GNAO1: variants seen among roughly 807,000 people sequenced by gnomAD.
GNAO1 encodes G protein subunit alpha o1, also known as guanine nucleotide-binding protein G(o) subunit alpha.
For synonymous variants in GNAO1, 164 were observed against 180.7 expected, an observed-to-expected ratio of 0.91 and a Z score of 0.74; for missense variants, 166 against 478.7, an observed-to-expected ratio of 0.35 and a Z score of 6.10.
At chr16:56,332,314 C>T (rs1255570905) in intron 4 of GNAO1, among the ~76,000 whole-genome samples, 4 of 152,194 alleles carry the variant, frequency 2.6e-5, no homozygotes, top group Non-Finnish European at 5.9e-5. Context: ...CACCTGGCCC[C>T]TCCACGTGTG....
intron 2 of GNAO1, among the ~76,000 whole-genome samples, chr16:56,222,148 G>A (rs1171114185): frequency 1.3e-5 from 2 of 152,098 alleles, no homozygotes; most frequent in Non-Finnish European, 1.5e-5. Context: ...ACAGCTAAGA[G>A]TGGCATGCCC....
At chr16:56,345,075 G>A in intron 6 of GNAO1, 1 of 985,526 alleles carries the variant, frequency 1.0e-6, no homozygotes, top group Non-Finnish European at 1.2e-6. Context: ...CAACTCTAAA[G>A]GGAGAGTCCT....
intron 3 of GNAO1, chr16:56,301,088 G>A (rs1274786290): frequency 3.3e-5 from 5 of 152,426 alleles, no homozygotes; most frequent in African/African-American, 1.2e-4. Flanking sequence ...AGACCTCTGA[G>A]AGCTCTGAAG....
At chr16:56,287,079 C>A (rs756234618) in intron 3 of GNAO1, among the ~76,000 whole-genome samples, 58 of 152,352 alleles carry the variant, frequency 3.8e-4, no homozygotes, top group Non-Finnish European at 6.5e-4. Context: ...GGCAGCCTCT[C>A]CCCTGAGGTC....
chr16:56,274,564 G>A (rs1283283362), intron 2 of GNAO1, among the ~76,000 whole-genome samples: 3 of 152,198 alleles, frequency 2.0e-5, no homozygotes, highest in Non-Finnish European at 4.4e-5. Flanking sequence ...CATCCATACA[G>A]TGGAATACTA....
chr16:56,353,794 G>C (rs1050923607), intron 7 of GNAO1, among the ~76,000 whole-genome samples: 3 of 152,196 alleles, frequency 2.0e-5, no homozygotes, highest in African/African-American at 7.2e-5. Context: ...CAAGGATGAG[G>C]CTTTGCACTG....
chr16:56,232,884 A>T (rs2036603892), intron 2 of GNAO1, among the ~76,000 whole-genome samples: 1 of 152,154 alleles, frequency 6.6e-6, no homozygotes, highest in Non-Finnish European at 1.5e-5. Context: ...TATCCTTGTG[A>T]TTCTATTTTT....
At position 56,316,266 on chromosome 16, in the gene GNAO1, G is replaced by A. The variant is rs557845747; in HGVS notation, c.304-12365G>A. 3.9e-5 allele frequency among the ~76,000 whole-genome samples: 6 copies of A among 152,266 alleles called. No homozygotes were observed. In the South Asian group the frequency reaches 1.2e-3, roughly 32 times the overall value. ...TGTCCCAGGCCCCAACACATGGAAG[G>A]CCTGGCATTTCCTCTGCCAGGCTCT... On this transcript the variant is annotated intron_variant, in intron 3 of 8. Transcript: ENST00000262493.
Position 56,354,878 on chromosome 16 carries a change from A to G in GNAO1, c.890A>G (p.Tyr297Cys). The G allele has an allele frequency of 6.2e-7, 1 of 1,611,862 alleles. No homozygotes were observed. The highest frequency in any genetic ancestry group is 8.5e-7 in the Non-Finnish European group (1 of 1,178,272). Reference protein sequence around the residue: ...CFPEYTGPNTYEDAAAYIQAQ... With the variant: ...CFPEYTGPNTCEDAAAYIQAQ... The stretch of plus-strand genomic sequence containing the variant: ...TGTCTTGTTACAGGCCCCAATACCT[A>G]TGAAGACGCAGCCGCCTACATCCAA... Residue 297 changes from tyrosine to cysteine, a missense_variant, in exon 8 of 9, where the codon TAT (tyrosine) becomes TGT (cysteine). By Grantham distance (194) the Tyr-to-Cys change is radical (BLOSUM62 -2). Coordinates refer to ENST00000262493, the MANE Select transcript of GNAO1 (RefSeq NM_020988.3). The surrounding 1 kb of genome is among the most constrained non-coding windows in gnomAD (Gnocchi z 4.3).
chr16:56,322,765 C>A (rs1165059732), intron 3 of GNAO1, among the ~76,000 whole-genome samples: 1 of 152,064 alleles, frequency 6.6e-6, no homozygotes, highest in South Asian at 2.1e-4. Flanking sequence ...CAAGCTCCCT[C>A]GCCTAAGCAG....
At chr16:56,211,577 GC>G (rs1466305079) in intron 2 of GNAO1, among the ~76,000 whole-genome samples, 1 of 152,154 alleles carries the variant, frequency 6.6e-6, no homozygotes, top group Non-Finnish European at 1.5e-5. Flanking sequence ...CTCCACCCCT[GC>G]CCTTCTACAT....
intron 2 of GNAO1, among the ~76,000 whole-genome samples, chr16:56,202,165 G>T (rs748729998): frequency 1.3e-5 from 2 of 152,150 alleles, no homozygotes; most frequent in African/African-American, 4.8e-5. Flanking sequence ...TGAAAGCCAA[G>T]GAAGAAAAGA....
chr16:56,213,529 G>A, intron 2 of GNAO1: 1 of 391,198 alleles, frequency 2.6e-6, no homozygotes. Flanking sequence ...TGGGATGGCG[G>A]AGGATGAGTC....
At chr16:56,267,373 G>C (rs1180549525) in intron 2 of GNAO1, among the ~76,000 whole-genome samples, 3 of 152,246 alleles carry the variant, frequency 2.0e-5, no homozygotes, top group Non-Finnish European at 4.4e-5. Flanking sequence ...GCCAGTGCCA[G>C]CTCCAGGGAA....
intron 3 of GNAO1, among the ~76,000 whole-genome samples, chr16:56,322,343 T>C (rs920436676): frequency 6.6e-6 from 1 of 152,186 alleles, no homozygotes; most frequent in African/African-American, 2.4e-5. Context: ...AGCAGTGTGA[T>C]GGGGCCGTAG....
chr16:56,212,625 GTGTT>G (rs770812665), intron 2 of GNAO1, among the ~76,000 whole-genome samples: 1 of 152,234 alleles, frequency 6.6e-6, no homozygotes, highest in Non-Finnish European at 1.5e-5. Flanking sequence ...TAGAAGTAGA[GTGTT>G]TGTGCTTTAG....
chr16:56,336,026 A>G (rs1272622579), intron 5 of GNAO1, among the ~76,000 whole-genome samples: 2 of 152,096 alleles, frequency 1.3e-5, no homozygotes, highest in Admixed American at 6.5e-5. Context: ...CTAGGAGGCT[A>G]CAGGACTCCT....
In GNAO1 at chr16:56,338,850, G is replaced by A. The variant is rs77063416; in HGVS notation, c.723+1990G>A. 9.2e-3 allele frequency among the ~76,000 whole-genome samples: 1,397 copies of A among 152,342 alleles called. 24 individuals carry two copies. The highest frequency in any genetic ancestry group is 0.032 in the African/African-American group (1,338 of 41,572). On this transcript the variant is annotated intron_variant, in intron 6 of 8. Transcript: ENST00000262493. ...GGCACTGGGTGACCTTCCAGCCTGC[G>A]GGCCTTGCTGCCTGGAGCACTTGCC...
intron 3 of GNAO1, among the ~76,000 whole-genome samples, chr16:56,294,021 C>T (rs61352869): frequency 0.014 from 2,185 of 152,284 alleles, 38 homozygotes; most frequent in African/African-American, 0.048. Context: ...ACTGTGCCAA[C>T]AGTGTTGAGA....
Sources: gnomAD v4.1 joint callset for allele counts (sites outside exome capture counted in the v4.1 genomes callset) on GRCh38, gnomAD v4.1.1 for gene constraint, Gnocchi (gnomAD v3.1) non-coding constraint, MANE v1.5 for transcripts, NCBI Gene and HGNC (gene_info 2026-07-23, HGNC 2026-07-21) for gene names.